CALB2: variants seen among roughly 807,000 people sequenced by gnomAD.
CALB2 encodes the protein calretinin.
A neutral mutation model predicts 45.9 loss-of-function variants in CALB2; 34 were observed. That is an observed-to-expected ratio of 0.74 (90% confidence interval 0.56 to 0.99). The LOEUF is 0.99. CALB2 is among the 50% of genes least tolerant of loss of function. The pLI is 0.00. For synonymous variants in CALB2, 142 were observed against 129.6 expected, an observed-to-expected ratio of 1.10 and a Z score of -0.65; for missense variants, 344 against 339.3, an observed-to-expected ratio of 1.01 and a Z score of -0.11.
intron 1 of CALB2, among the ~76,000 whole-genome samples, chr16:71,361,362 C>T (rs1708214867): frequency 6.6e-6 from 1 of 152,250 alleles, no homozygotes; most frequent in Admixed American, 6.5e-5. Flanking sequence ...CCTTCCTCCC[C>T]TCCTGAACAC....
At chr16:71,370,911 T>A (rs557328835) in intron 1 of CALB2, among the ~76,000 whole-genome samples, 11 of 152,274 alleles carry the variant, frequency 7.2e-5, no homozygotes, top group African/African-American at 2.6e-4. Flanking sequence ...GCTCAAGGCG[T>A]GAGAGCCTAA....
intron 1 of CALB2, among the ~76,000 whole-genome samples, chr16:71,369,970 C>T (rs1274222390): frequency 6.6e-6 from 1 of 152,142 alleles, no homozygotes; most frequent in Non-Finnish European, 1.5e-5. Context: ...CCTACTTTAG[C>T]CGGCCTCACA....
chr16:71,376,504 T>C (rs776603459), intron 3 of CALB2, among the ~76,000 whole-genome samples: 2 of 152,036 alleles, frequency 1.3e-5, no homozygotes, highest in Non-Finnish European at 2.9e-5. Context: ...TACATCCACA[T>C]ATACCCACAT....
chr16:71,365,706 C>T (rs756712550), intron 1 of CALB2, among the ~76,000 whole-genome samples: 5 of 152,224 alleles, frequency 3.3e-5, no homozygotes, highest in Admixed American at 6.5e-5. Context: ...TTGAACAGCA[C>T]GGCGTTATGC....
intron 6 of CALB2, among the ~76,000 whole-genome samples, 163 bp from the exon 7 acceptor site, chr16:71,383,807 C>G (rs1418480631): frequency 3.3e-5 from 5 of 152,046 alleles, no homozygotes; most frequent in Non-Finnish European, 5.9e-5. Flanking sequence ...CCCAGGGGAC[C>G]CCCGTGACTG....
intron 4 of CALB2, among the ~76,000 whole-genome samples, chr16:71,380,446 T>C (rs2042478018): frequency 7.3e-6 from 1 of 136,582 alleles, no homozygotes; most frequent in Admixed American, 8.3e-5. Context: ...CGAGCTCGGA[T>C]TACAGGCAGG....
chr16:71,368,800 G>A (rs747257208), intron 1 of CALB2, among the ~76,000 whole-genome samples: 9 of 152,126 alleles, frequency 5.9e-5, no homozygotes, highest in East Asian at 1.9e-4. Context: ...AAAGAAAGAC[G>A]GCAAAAGCGC....
rs544138378 is a variant in CALB2 at position 71,380,292 on chromosome 16, C to CTT, written c.343-2393_343-2392dup. Among the ~76,000 whole-genome samples, 246 of 43,758 alleles carry CTT rather than the reference C, an allele frequency of 5.6e-3. 5 individuals carry two copies. The highest frequency in any genetic ancestry group is 6.5e-3 in the Non-Finnish European group (158 of 24,304). 28.7% of individuals were successfully genotyped at this position (43,758 alleles called of 152,430 possible). A position where few individuals can be genotyped will look rare whatever the true frequency, so the allele number is the denominator to read the frequency against. ...CTTTCTTTCTTCTTTCCTTCCTTTTCTTTTTTTTTTTTTTTTTTTTTTTTT... is the reference window on the plus strand; with the variant it reads ...CTTTCTTTCTTCTTTCCTTCCTTTTCTTTTTTTTTTTTTTTTTTTTTTTTTTT... On this transcript the variant is annotated intron_variant, in intron 4 of 10. Coordinates refer to ENST00000302628, the MANE Select transcript of CALB2 (RefSeq NM_001740.5).
chr16:71,367,660 T>G (rs1382219876), intron 1 of CALB2, among the ~76,000 whole-genome samples: 1 of 152,326 alleles, frequency 6.6e-6, no homozygotes, highest in East Asian at 1.9e-4. Flanking sequence ...ATTGATGCTC[T>G]TGGGAAATGG....
At chr16:71,377,590 C>T (rs2042431839) in intron 3 of CALB2, 77 bp from the exon 4 acceptor site, 3 of 1,009,652 alleles carry the variant, frequency 3.0e-6, no homozygotes, top group Non-Finnish European at 4.6e-6. Flanking sequence ...CCCTTTCCAT[C>T]CTTCTTAGGG....
chr16:71,372,277 C>G, intron 2 of CALB2, 48 bp downstream of exon 2: 8 of 1,370,046 alleles, frequency 5.8e-6, no homozygotes, highest in South Asian at 1.2e-5. Flanking sequence ...CTGACCTATG[C>G]CTTTGAGCAT....
At chr16:71,363,727 A>G (rs1451098309) in intron 1 of CALB2, among the ~76,000 whole-genome samples, 1 of 152,224 alleles carries the variant, frequency 6.6e-6, no homozygotes, top group Non-Finnish European at 1.5e-5. Context: ...ACATGCTGAA[A>G]TAGGGTCACA....
At chr16:71,385,419 AAG>A (rs1363898717) in intron 9 of CALB2, 156 bp from the exon 10 acceptor site, 18 of 531,162 alleles carry the variant, frequency 3.4e-5, no homozygotes, top group South Asian at 1.7e-4. Flanking sequence ...ATGACTGGTT[AAG>A]GCAGAAGGGA....
chr16:71,372,310 C>T (rs1598164448), intron 2 of CALB2, 81 bp downstream of exon 2: 2 of 952,292 alleles, frequency 2.1e-6, no homozygotes, highest in South Asian at 2.9e-5. Context: ...TTATGTATGC[C>T]ATAAGCAGGC....
intron 1 of CALB2, among the ~76,000 whole-genome samples, chr16:71,359,318 G>A (rs2042214888): frequency 6.6e-6 from 1 of 152,208 alleles, no homozygotes; most frequent in African/African-American, 2.4e-5. Context: ...TGGAGGCTGG[G>A]ATAAATTAGG....
At chr16:71,366,682 C>T (rs548412018) in intron 1 of CALB2, among the ~76,000 whole-genome samples, 8 of 152,152 alleles carry the variant, frequency 5.3e-5, no homozygotes, top group South Asian at 2.1e-4. Context: ...TTCAGGCTAA[C>T]GGGTTTTCAT....
At chr16:71,365,346 T>G (rs1331322592) in intron 1 of CALB2, among the ~76,000 whole-genome samples, 1 of 152,124 alleles carries the variant, frequency 6.6e-6, no homozygotes, top group Non-Finnish European at 1.5e-5. Context: ...CACAGACTGG[T>G]GCACTAGAAG....
intron 3 of CALB2, among the ~76,000 whole-genome samples, chr16:71,375,206 T>G (rs530120178): frequency 6.6e-6 from 1 of 152,312 alleles, no homozygotes; most frequent in African/African-American, 2.4e-5. Context: ...ATATACATAA[T>G]TTACACACAT....
intron 10 of CALB2, among the ~76,000 whole-genome samples, chr16:71,386,897 C>A (rs1207687681): frequency 6.6e-6 from 1 of 152,138 alleles, no homozygotes; most frequent in East Asian, 1.9e-4. Context: ...CCTACAATTA[C>A]TCTTGAAAGA....
Sources: gnomAD v4.1 joint callset for allele counts (sites outside exome capture counted in the v4.1 genomes callset) on GRCh38, gnomAD v4.1.1 for gene constraint, MANE v1.5 for transcripts, NCBI Gene and HGNC (gene_info 2026-07-23, HGNC 2026-07-21) for gene names.